Variants in XKR4 observed in about 807,000 individuals in gnomAD.
XKR4 encodes the protein XK related 4, also known as XK-related protein 4.
Under a neutral mutation model 53.9 loss-of-function variants are expected in XKR4, and 12 were observed. The observed-to-expected ratio is 0.22, with a 90% CI of 0.14 to 0.36. XKR4 has a LOEUF of 0.36. Among genes scored for constraint, XKR4 ranks in the 10% least tolerant of loss-of-function variants. The probability of loss-of-function intolerance (pLI) is 1.00; values close to 1 mark genes in which losing one functional copy is unlikely to be tolerated. For missense variants in XKR4, 799 were observed against 859.5 expected (o/e 0.93, Z 0.88); for synonymous variants, 354 against 362.4 (o/e 0.98, Z 0.26).
intron 2 of XKR4, among the ~76,000 whole-genome samples, chr8:55,392,181 C>T (rs74962575): frequency 1.3e-3 from 194 of 152,254 alleles, no homozygotes; most frequent in African/African-American, 4.5e-3. Flanking sequence ...GAAAAAATGA[C>T]AACCCAACTG....
intron 1 of XKR4, among the ~76,000 whole-genome samples, chr8:55,282,056 G>A (rs1222994795): frequency 6.6e-6 from 1 of 152,206 alleles, no homozygotes; most frequent in Non-Finnish European, 1.5e-5. Flanking sequence ...GTGTTCCGAT[G>A]AGATGGGACA....
At chr8:55,258,818 C>G (rs1463173290) in intron 1 of XKR4, among the ~76,000 whole-genome samples, 1 of 152,198 alleles carries the variant, frequency 6.6e-6, no homozygotes, top group Non-Finnish European at 1.5e-5. Context: ...CTCCAAGCCC[C>G]AAACTCAAAA....
chr8:55,271,805 C>A (rs1818694548), intron 1 of XKR4, among the ~76,000 whole-genome samples: 1 of 152,194 alleles, frequency 6.6e-6, no homozygotes, highest in Non-Finnish European at 1.5e-5. Flanking sequence ...CCATTTGGGG[C>A]TGATTGTTTC....
intron 1 of XKR4, among the ~76,000 whole-genome samples, chr8:55,183,531 T>C (rs1817341175): frequency 6.6e-6 from 1 of 152,100 alleles, no homozygotes; most frequent in African/African-American, 2.4e-5. Flanking sequence ...ATTTTCAAAT[T>C]CTTAGGAATT....
chr8:55,175,901 A>G (rs1418791728), intron 1 of XKR4, among the ~76,000 whole-genome samples: 1 of 152,208 alleles, frequency 6.6e-6, no homozygotes, highest in African/African-American at 2.4e-5. Context: ...GGGATGTAAG[A>G]CCCATCAGAC....
chr8:55,145,552 C>T (rs1457285065), intron 1 of XKR4, among the ~76,000 whole-genome samples: 5 of 152,108 alleles, frequency 3.3e-5, no homozygotes, highest in South Asian at 2.1e-4. Flanking sequence ...AATATCTGGC[C>T]GATTTATACA....
At chr8:55,224,236 A>G (rs1230808399) in intron 1 of XKR4, among the ~76,000 whole-genome samples, 1 of 152,106 alleles carries the variant, frequency 6.6e-6, no homozygotes, top group Non-Finnish European at 1.5e-5. Context: ...GAGATATTAA[A>G]TTTCTACCTT....
intron 1 of XKR4, among the ~76,000 whole-genome samples, chr8:55,281,534 T>C (rs1460764012): frequency 6.6e-6 from 1 of 152,114 alleles, no homozygotes; most frequent in Non-Finnish European, 1.5e-5. Context: ...CGTAGAAACA[T>C]GCATGCCACT....
intron 2 of XKR4, among the ~76,000 whole-genome samples, chr8:55,428,280 G>A (rs1207952949): frequency 6.6e-6 from 1 of 152,132 alleles, no homozygotes; most frequent in Non-Finnish European, 1.5e-5. Flanking sequence ...AGAGTTCCCT[G>A]AGTTTTCTTT....
At chr8:55,289,775 AAG>A (rs1442350082) in intron 1 of XKR4, among the ~76,000 whole-genome samples, 3 of 148,464 alleles carry the variant, frequency 2.0e-5, no homozygotes, top group Non-Finnish European at 4.5e-5. Flanking sequence ...AAGAAAGAGA[AAG>A]AGAGGGAGGG....
intron 2 of XKR4, among the ~76,000 whole-genome samples, chr8:55,446,918 A>G (rs1031483106): frequency 1.3e-5 from 2 of 152,214 alleles, no homozygotes; most frequent in Non-Finnish European, 2.9e-5. Flanking sequence ...CCCCAAATGT[A>G]TGTTTATTGT....
rs1256021041 is a variant in XKR4 at position 55,179,950 on chromosome 8, T to C, written c.806+76656T>C. Among the ~76,000 whole-genome samples, 7 of 152,364 alleles carry C rather than the reference T, an allele frequency of 4.6e-5. No homozygotes were observed. In the East Asian group the frequency reaches 9.6e-4, roughly 21 times the overall value. On this transcript the variant is annotated intron_variant, in intron 1 of 2. Coordinates refer to ENST00000327381, the MANE Select transcript of XKR4 (RefSeq NM_052898.2). ...GTATTTATAGAAGAGTTTCTTCCTC[T>C]AGCAGAACCTAGAATAACAAGCTCT...
intron 2 of XKR4, among the ~76,000 whole-genome samples, chr8:55,493,729 G>A (rs1250652446): frequency 6.6e-6 from 1 of 152,074 alleles, no homozygotes; most frequent in Non-Finnish European, 1.5e-5. Flanking sequence ...CTATATCTGG[G>A]CTAACCATAC....
intron 2 of XKR4, among the ~76,000 whole-genome samples, chr8:55,500,163 T>C (rs1361237240): frequency 7.5e-6 from 1 of 132,542 alleles, no homozygotes; most frequent in East Asian, 2.2e-4. Context: ...GAAAAGCATC[T>C]GCTCCTTCAA....
At chr8:55,249,973 T>C (rs1390199483) in intron 1 of XKR4, among the ~76,000 whole-genome samples, 1 of 152,228 alleles carries the variant, frequency 6.6e-6, no homozygotes, top group African/African-American at 2.4e-5. Context: ...TTTAGTGCCC[T>C]GTGAAGCACA....
intron 1 of XKR4, chr8:55,135,421 T>A (rs963543447): frequency 1.3e-4 from 42 of 327,354 alleles, no homozygotes; most frequent in Non-Finnish European, 2.3e-4. Context: ...ATTTGTTGGA[T>A]GTTGTATGAA....
At chr8:55,330,005 G>C (rs569515952) in intron 1 of XKR4, among the ~76,000 whole-genome samples, 1 of 152,274 alleles carries the variant, frequency 6.6e-6, no homozygotes, top group Middle Eastern at 3.4e-3. Context: ...CTAGGATTAT[G>C]TGAACAAATA....
intron 2 of XKR4, among the ~76,000 whole-genome samples, chr8:55,514,420 C>A (rs1039185800): frequency 6.6e-5 from 10 of 152,006 alleles, no homozygotes; most frequent in African/African-American, 2.4e-4. Context: ...TCATGCCAGG[C>A]TAATTTTTGT....
intron 1 of XKR4, among the ~76,000 whole-genome samples, chr8:55,308,887 G>A (rs1019535466): frequency 6.6e-6 from 1 of 152,172 alleles, no homozygotes; most frequent in Non-Finnish European, 1.5e-5. Flanking sequence ...CTTATCAGCT[G>A]TCCTGGAAAT....
Sources: gnomAD v4.1 joint callset for allele counts (sites outside exome capture counted in the v4.1 genomes callset) on GRCh38, gnomAD v4.1.1 for gene constraint, MANE v1.5 for transcripts, NCBI Gene and HGNC (gene_info 2026-07-23, HGNC 2026-07-21) for gene names.